Variants in MOGAT1 observed in about 807,000 individuals in gnomAD.
The protein encoded by MOGAT1 is monoacylglycerol O-acyltransferase 1.
In MOGAT1, 32 loss-of-function variants were observed where a neutral mutation model predicts 31.4. The observed-to-expected ratio is 1.02, with a 90% CI of 0.77 to 1.37. The LOEUF (loss-of-function observed/expected upper bound fraction) is 1.37. MOGAT1 is among the 40% of genes most tolerant of loss of function. The probability of loss-of-function intolerance (pLI) is 0.00; values close to 1 mark genes in which losing one functional copy is unlikely to be tolerated. For synonymous variants in MOGAT1, 145 were observed against 144.5 expected (o/e 1.00, Z -0.03); for missense variants, 426 against 402.0 (o/e 1.06, Z -0.51).
chr2:222,682,118 C>CCA (rs10572442), intron 1 of MOGAT1, among the ~76,000 whole-genome samples: 1,862 of 150,948 alleles, frequency 0.012, 35 homozygotes, highest in African/African-American at 0.04. Context: ...CTCCCTCTCA[C>CCA]CACACACACA....
intron 5 of MOGAT1, among the ~76,000 whole-genome samples, chr2:222,705,576 G>C (rs1175564379): frequency 6.6e-6 from 1 of 152,168 alleles, no homozygotes; most frequent in Non-Finnish European, 1.5e-5. Context: ...CTGTCTTTTG[G>C]CTGGAGCCCA....
At chr2:222,704,261 T>G (rs1692970864) in intron 5 of MOGAT1, among the ~76,000 whole-genome samples, 1 of 152,146 alleles carries the variant, frequency 6.6e-6, no homozygotes, top group African/African-American at 2.4e-5. Context: ...TTTTTTCTTC[T>G]CCTTAGTACT....
chr2:222,694,759 A>G (rs867091779), intron 4 of MOGAT1, among the ~76,000 whole-genome samples: 108 of 152,094 alleles, frequency 7.1e-4, no homozygotes, highest in African/African-American at 2.4e-3. Flanking sequence ...AAAGCAAAAC[A>G]ACGAGAACAA....
At chr2:222,695,621 T>C (rs552235798) in intron 5 of MOGAT1, among the ~76,000 whole-genome samples, 1 of 152,350 alleles carries the variant, frequency 6.6e-6, no homozygotes, top group South Asian at 2.1e-4. Context: ...ACAAGTCATA[T>C]CAGAGTTTAC....
At chr2:222,706,818 A>G (rs1315701687) in intron 5 of MOGAT1, among the ~76,000 whole-genome samples, 3 of 152,244 alleles carry the variant, frequency 2.0e-5, no homozygotes, top group South Asian at 2.1e-4. Flanking sequence ...ATTTCTCCAT[A>G]TCTTCCTCAA....
At chr2:222,708,688 C>CT (rs1294085517) in intron 5 of MOGAT1, among the ~76,000 whole-genome samples, 1 of 152,110 alleles carries the variant, frequency 6.6e-6, no homozygotes, top group Non-Finnish European at 1.5e-5. Flanking sequence ...TCTTTCCGGA[C>CT]TTTTTTCCAT....
chr2:222,689,596 C>G (rs1574973245), intron 3 of MOGAT1, 127 bp downstream of exon 3: 2 of 816,350 alleles, frequency 2.4e-6, no homozygotes, highest in East Asian at 5.1e-5. Context: ...TCATCTGGCA[C>G]TTCCTATGGT....
rs1692823668 is a variant in MOGAT1 at position 222,695,273 on chromosome 2, G to T, written c.838G>T (p.Ala280Ser). 6.2e-7 allele frequency: 1 copy of T among 1,610,828 alleles called. No homozygotes were observed. Among genetic ancestry groups the T allele is most frequent in the Non-Finnish European group, 8.5e-7 (1 of 1,177,828 alleles). Reference sequence around the variant, plus strand: ...TTTTGGCCTAATGACCTATAGGAAAGCCATCCACACTGTTGGTATGTACAT... The same window carrying T: ...TTTTGGCCTAATGACCTATAGGAAATCCATCCACACTGTTGGTATGTACAT... The part of the protein sequence containing the change: ...YNFGLMTYRK[A>S]IHTVVGRPIP... The change falls in exon 5 of 6, where the codon GCC (alanine) becomes TCC (serine). Residue 280 changes from alanine (A) to serine (S), a missense_variant. Ala to Ser is a moderately conservative substitution (Grantham distance 99, BLOSUM62 1). Coordinates refer to ENST00000446656, the MANE Select transcript of MOGAT1 (RefSeq NM_058165.3).
At chr2:222,702,528 C>T (rs954173352) in intron 5 of MOGAT1, among the ~76,000 whole-genome samples, 1 of 151,994 alleles carries the variant, frequency 6.6e-6, no homozygotes, top group Non-Finnish European at 1.5e-5. Context: ...TATATACACA[C>T]GTGTGCACAC....
At chr2:222,699,660 CT>C (rs1053603675) in intron 5 of MOGAT1, among the ~76,000 whole-genome samples, 4 of 152,066 alleles carry the variant, frequency 2.6e-5, no homozygotes, top group Non-Finnish European at 5.9e-5. Flanking sequence ...CCATGCCCGG[CT>C]ACTTTGTTTT....
chr2:222,685,044 T>C (rs925597543), intron 1 of MOGAT1, among the ~76,000 whole-genome samples: 3 of 152,118 alleles, frequency 2.0e-5, no homozygotes, highest in African/African-American at 7.2e-5. Context: ...AAAAATAACA[T>C]TGTAATACCA....
intron 1 of MOGAT1, among the ~76,000 whole-genome samples, chr2:222,677,480 A>G (rs2106031147): frequency 6.6e-6 from 1 of 152,294 alleles, no homozygotes; most frequent in Non-Finnish European, 1.5e-5. Flanking sequence ...CAGCCTTGGC[A>G]TTTCCTTTAA....
In MOGAT1 at chr2:222,689,378, C is replaced by CA. The variant is rs775974276; in HGVS notation, c.389dup (p.Asp131GlyfsTer82). On this transcript the variant is annotated frameshift_variant, in exon 3 of 6. Transcript: ENST00000446656. LOFTEE classifies it high-confidence loss of function. Reference sequence around the variant, plus strand: ...ATTTTTCTGTAAATTATTCTGACTTCAAGGACCTGTTTCCTGGCTTTACTT... The same window carrying CA: ...ATTTTTCTGTAAATTATTCTGACTTCAAAGGACCTGTTTCCTGGCTTTACTT... 3 of 1,614,018 alleles carry CA rather than the reference C, an allele frequency of 1.9e-6. No homozygotes were observed. The highest frequency in any genetic ancestry group is 2.5e-6 in the Non-Finnish European group (3 of 1,179,884).
chr2:222,691,037 A>C (rs1574973734), intron 3 of MOGAT1, among the ~76,000 whole-genome samples: 1 of 152,144 alleles, frequency 6.6e-6, no homozygotes, highest in African/African-American at 2.4e-5. Context: ...CATGGACAAG[A>C]GATGTAGGTA....
chr2:222,684,768 G>T (rs945752816), intron 1 of MOGAT1, among the ~76,000 whole-genome samples: 1 of 151,980 alleles, frequency 6.6e-6, no homozygotes, highest in Non-Finnish European at 1.5e-5. Context: ...GTAGAGACGG[G>T]GTTTCACCAT....
chr2:222,688,819 G>A (rs1408499874), intron 2 of MOGAT1, among the ~76,000 whole-genome samples: 1 of 152,164 alleles, frequency 6.6e-6, no homozygotes, highest in Non-Finnish European at 1.5e-5. Flanking sequence ...AGAGCAAGAG[G>A]GGGTTGAATT....
chr2:222,685,602 T>TA (rs1692652186), intron 1 of MOGAT1, among the ~76,000 whole-genome samples: 2 of 146,388 alleles, frequency 1.4e-5, no homozygotes, highest in African/African-American at 5.1e-5. Flanking sequence ...CTTCTTCTTT[T>TA]TTTTTTTTTT....
intron 5 of MOGAT1, among the ~76,000 whole-genome samples, chr2:222,706,510 T>C (rs915183097): frequency 2.2e-5 from 3 of 135,266 alleles, no homozygotes; most frequent in Admixed American, 7.6e-5. Flanking sequence ...GTGAGCATGC[T>C]TAAGCTCTCT....
intron 1 of MOGAT1, among the ~76,000 whole-genome samples, chr2:222,672,927 C>T (rs368576972): frequency 1.0e-4 from 4 of 38,714 alleles, no homozygotes; most frequent in Admixed American, 8.3e-4. Context: ...TTATTATTAT[C>T]TTTGAGACGG....
Sources: gnomAD v4.1 joint callset for allele counts (sites outside exome capture counted in the v4.1 genomes callset) on GRCh38, gnomAD v4.1.1 for gene constraint, MANE v1.5 for transcripts, NCBI Gene and HGNC (gene_info 2026-07-23, HGNC 2026-07-21) for gene names.